Variants in USP6NL observed in about 807,000 individuals in gnomAD.
The protein encoded by USP6NL is USP6 N-terminal like, also known as USP6 N-terminal-like protein.
In USP6NL, 26 loss-of-function variants were observed where a neutral mutation model predicts 61.9. That is an observed-to-expected ratio of 0.42 (90% CI 0.31 to 0.58). The LOEUF (loss-of-function observed/expected upper bound fraction) is 0.58, where lower values mean the gene tolerates loss of function less well. USP6NL is among the 20% of genes least tolerant of loss of function. The pLI is 0.16. For missense variants in USP6NL, 1,114 were observed against 1,034.3 expected (o/e 1.08, Z -1.06); for synonymous variants, 432 against 390.1 (o/e 1.11, Z -1.27).
intron 2 of USP6NL, among the ~76,000 whole-genome samples, chr10:11,583,167 ATAT>A (rs1300998068): frequency 6.6e-6 from 1 of 150,932 alleles, no homozygotes; most frequent in Non-Finnish European, 1.5e-5. Flanking sequence ...TCTAATTTAC[ATAT>A]TATTATGTTT....
intron 7 of USP6NL, among the ~76,000 whole-genome samples, chr10:11,497,268 G>A (rs866214290): frequency 1.3e-5 from 2 of 151,414 alleles, no homozygotes; most frequent in African/African-American, 2.4e-5. Context: ...AAAAATAACC[G>A]GGCATGGTGG....
intron 2 of USP6NL, among the ~76,000 whole-genome samples, chr10:11,563,012 T>C (rs1055924867): frequency 1.3e-5 from 2 of 151,654 alleles, no homozygotes; most frequent in African/African-American, 4.8e-5. Context: ...AAAAATAAAA[T>C]AAAATAAATA....
rs1833437567 is a variant in USP6NL, at chr10:11,485,775, G to A, written c.759+42C>T. The A allele has an allele frequency of 7.6e-7, 1 of 1,314,810 alleles. No homozygotes were observed. Among genetic ancestry groups the A allele is most frequent in the Non-Finnish European group, 1.0e-6 (1 of 956,492 alleles). 81.4% of individuals were successfully genotyped at this position (1,314,810 alleles called of 1,614,324 possible). On this transcript the variant is annotated intron_variant, in intron 11 of 14. Coordinates refer to ENST00000609104, the MANE Select transcript of USP6NL (RefSeq NM_014688.5). This position sits in a 1 kb window ranked among gnomAD's most constrained non-coding sequence, Gnocchi z 4.8. ...ATTTAATTATCCCAGCTTTTTTTGGGGGGTGGGTAGGTGGGTGTAAGTCAG... is the reference window on the plus strand; with the variant it reads ...ATTTAATTATCCCAGCTTTTTTTGGAGGGTGGGTAGGTGGGTGTAAGTCAG...
intron 14 of USP6NL, among the ~76,000 whole-genome samples, chr10:11,480,483 G>A (rs1185485866): frequency 2.6e-5 from 4 of 152,118 alleles, no homozygotes; most frequent in Non-Finnish European, 5.9e-5. Context: ...AATGATAGTA[G>A]AAAACAGAAG....
chr10:11,555,092 G>GT (rs1218851928), intron 2 of USP6NL, among the ~76,000 whole-genome samples: 45 of 114,318 alleles, frequency 3.9e-4, no homozygotes, highest in African/African-American at 7.4e-4. Flanking sequence ...CGCCTGGCCT[G>GT]TTTTTTTTTT....
chr10:11,571,761 C>T (rs1837371745), intron 2 of USP6NL, among the ~76,000 whole-genome samples: 1 of 147,534 alleles, frequency 6.8e-6, no homozygotes, highest in South Asian at 2.1e-4. Flanking sequence ...CAATATTCTG[C>T]AAAAGGATAA....
chr10:11,461,034 C>T lies in USP6NL; in HGVS notation c.*1407G>A, dbSNP rs2096212453. 6.6e-6 allele frequency: 1 copy of T among 152,236 alleles called. No homozygotes were observed. The highest frequency in any genetic ancestry group is 2.4e-5 in the African/African-American group (1 of 41,442). The allele number at this position is 152,236 out of a possible 1,614,324, so 9.4% of individuals were successfully genotyped here. ...CGTTACTTCCATTTTAAAAGACATACTTTTGTACCTTGAAAGTTTAAAGCC... is the reference window on the plus strand; with the variant it reads ...CGTTACTTCCATTTTAAAAGACATATTTTTGTACCTTGAAAGTTTAAAGCC... On this transcript the variant is annotated 3_prime_UTR_variant, in exon 15 of 15. Transcript: ENST00000609104.
At chr10:11,512,324 T>G (rs1448058152) in intron 5 of USP6NL, among the ~76,000 whole-genome samples, 2 of 152,168 alleles carry the variant, frequency 1.3e-5, no homozygotes, top group Non-Finnish European at 2.9e-5. Context: ...TCTCTCTCAC[T>G]TCCCAGCCCC....
rs1400348145 is a variant in USP6NL, at chr10:11,532,663, C to A, written c.5-5096G>T. On this transcript the variant is annotated intron_variant, in intron 2 of 14. Transcript: ENST00000609104. The surrounding 1 kb of genome is among the most constrained non-coding windows in gnomAD (Gnocchi z 4.1). Reference sequence around the variant, plus strand: ...TTCTTATTAAAAATAAAACTTGTCACAGAGCAACAAAAAAATTTTTATTTA... The same window carrying A: ...TTCTTATTAAAAATAAAACTTGTCAAAGAGCAACAAAAAAATTTTTATTTA... Among the ~76,000 whole-genome samples, 1 of 152,150 alleles carries A rather than the reference C, an allele frequency of 6.6e-6. No individual in the cohort carries two copies. The highest frequency in any genetic ancestry group is 2.4e-5 in the African/African-American group (1 of 41,420).
At position 11,547,175 on chromosome 10, in the gene USP6NL, T is replaced by C. The variant is rs535529224; in HGVS notation, c.5-19608A>G. ...CTCATAATCTATAAAAGAAAAACAA[T>C]GATGACAACACAATAAGAGCGTGAA... On this transcript the variant is annotated intron_variant, in intron 2 of 14. Transcript: ENST00000609104. Among the ~76,000 whole-genome samples the C allele has an allele frequency of 3.9e-5, 6 of 152,256 alleles. No individual in the cohort carries two copies. The South Asian group carries it at 1.2e-3, about 32-fold the overall frequency.
At position 11,463,559 on chromosome 10, in the gene USP6NL, G is replaced by A; in HGVS notation, c.1369C>T (p.Pro457Ser). 1 of 1,614,016 alleles carries A rather than the reference G, an allele frequency of 6.2e-7. No homozygotes were observed. The highest frequency in any genetic ancestry group is 8.5e-7 in the Non-Finnish European group (1 of 1,179,888). ...ADFQRKLPSG[P>S]QDSSRQYNHA... The stretch of plus-strand genomic sequence containing the variant: ...TTATATTGCCTGGAACTGTCCTGTG[G>A]ACCCGATGGGAGTTTTCTTTGAAAA... Residue 457 changes from proline to serine, a missense_variant, in exon 15 of 15, where the codon CCA becomes TCA. By Grantham distance (74) the Pro-to-Ser change is moderately conservative. Coordinates refer to ENST00000609104, the MANE Select transcript of USP6NL (RefSeq NM_014688.5). This position sits in a 1 kb window ranked among gnomAD's most constrained non-coding sequence, Gnocchi z 6.3.
chr10:11,506,019 C>T lies in USP6NL; in HGVS notation c.276+3576G>A, dbSNP rs150898017. Among the ~76,000 whole-genome samples the T allele has an allele frequency of 3.0e-3, 453 of 152,302 alleles. 1 individual carries two copies. The highest frequency in any genetic ancestry group is 1.0e-2 in the African/African-American group (415 of 41,564). On this transcript the variant is annotated intron_variant, in intron 6 of 14. Coordinates refer to ENST00000609104, the MANE Select transcript of USP6NL (RefSeq NM_014688.5). ...TACTGTGTTTTATAACTACATTCTA[C>T]TTCCCTGACAGACACCAAAAGGGAA... is the stretch of plus-strand genomic sequence containing the variant.
At chr10:11,583,552 C>A (rs1044086427) in intron 2 of USP6NL, among the ~76,000 whole-genome samples, 2 of 151,906 alleles carry the variant, frequency 1.3e-5, no homozygotes, top group African/African-American at 4.8e-5. Context: ...TCTCTTTTAA[C>A]TTTGCAAAGC....
chr10:11,586,710 G>C (rs1234717518), intron 2 of USP6NL, among the ~76,000 whole-genome samples: 1 of 152,040 alleles, frequency 6.6e-6, no homozygotes, highest in Non-Finnish European at 1.5e-5. Context: ...CAAGAAAAGG[G>C]GGTTGTGGAA....
Position 11,489,999 on chromosome 10 carries a change from T to C in USP6NL, c.544-777A>G, listed in dbSNP as rs1480569088. On this transcript the variant is annotated intron_variant, in intron 9 of 14. Coordinates refer to ENST00000609104, the MANE Select transcript of USP6NL (RefSeq NM_014688.5). This position sits in a 1 kb window ranked among gnomAD's most constrained non-coding sequence, Gnocchi z 5.7. ...AACAGTTCACAGAGATCATCTGAGA[T>C]ACTGAGTGGCCCCCAGAATGGGAGA... Among the ~76,000 whole-genome samples, 6 of 152,192 alleles carry C rather than the reference T, an allele frequency of 3.9e-5. No homozygotes were observed. Among genetic ancestry groups the C allele is most frequent in the South Asian group, 4.1e-4 (2 of 4,824 alleles).
At chr10:11,570,005 T>A (rs890734007) in intron 2 of USP6NL, among the ~76,000 whole-genome samples, 1 of 152,228 alleles carries the variant, frequency 6.6e-6, no homozygotes, top group African/African-American at 2.4e-5. Context: ...CTTATCTTCA[T>A]GACTCCTCCT....
At chr10:11,533,223 T>C (rs1835723856) in intron 2 of USP6NL, among the ~76,000 whole-genome samples, 1 of 152,166 alleles carries the variant, frequency 6.6e-6, no homozygotes, top group African/African-American at 2.4e-5. Context: ...AAAGTTCTAA[T>C]CAGCTAGAAG....
chr10:11,571,114 A>G (rs1194307404), intron 2 of USP6NL, among the ~76,000 whole-genome samples: 3 of 141,420 alleles, frequency 2.1e-5, no homozygotes, highest in Admixed American at 7.1e-5. Context: ...ACAAAGTTTT[A>G]CTCTTGTTGC....
Position 11,548,911 on chromosome 10 carries a change from T to C in USP6NL, c.5-21344A>G, listed in dbSNP as rs1354245412. On this transcript the variant is annotated intron_variant, in intron 2 of 14. Coordinates refer to ENST00000609104, the MANE Select transcript of USP6NL (RefSeq NM_014688.5). The surrounding 1 kb of genome is among the most constrained non-coding windows in gnomAD (Gnocchi z 4.3). Reference sequence around the variant, plus strand: ...ATTAGTGCTATTATACCCAGAAAAGTCCCTAAAGACCATTATTTCCTTTTA... The same window carrying C: ...ATTAGTGCTATTATACCCAGAAAAGCCCCTAAAGACCATTATTTCCTTTTA... Among the ~76,000 whole-genome samples the C allele has an allele frequency of 2.0e-5, 3 of 152,132 alleles. No homozygotes were observed. The highest frequency in any genetic ancestry group is 4.4e-5 in the Non-Finnish European group (3 of 67,980).
Sources: allele counts gnomAD v4.1 joint callset (sites outside exome capture counted in the v4.1 genomes callset), GRCh38; gene constraint gnomAD v4.1.1; non-coding constraint Gnocchi (gnomAD v3.1); transcripts MANE v1.5; gene names NCBI Gene and HGNC (gene_info 2026-07-23, HGNC 2026-07-21).